The following PCDHA4 variants were observed in gnomAD, a reference collection of about 807,000 sequenced individuals.
The protein encoded by PCDHA4 is protocadherin alpha-4.
In PCDHA4, 49 loss-of-function variants were observed where a neutral mutation model predicts 61.4. The observed-to-expected ratio is 0.80, with a 90% CI of 0.63 to 1.01. PCDHA4 has a LOEUF of 1.01. Ranked by LOEUF, PCDHA4 falls within the 50% of genes least tolerant of loss-of-function variation. The pLI is 0.00. For synonymous variants in PCDHA4, 590 were observed against 550.3 expected, an observed-to-expected ratio of 1.07 and a Z score of -1.01; for missense variants, 1,254 against 1,235.8, an observed-to-expected ratio of 1.01 and a Z score of -0.22.
intron 1 of PCDHA4, among the ~76,000 whole-genome samples, chr5:140,906,354 A>C (rs552915845): frequency 3.8e-4 from 58 of 152,336 alleles, no homozygotes; most frequent in South Asian, 1.7e-3. Context: ...GAATGCACCA[A>C]TTCCCAACCC....
rs1013385082 is a variant in PCDHA4 at position 140,821,701 on chromosome 5, T to C, written c.2385+12129T>C. ...AGGCGATAATATAAAAAATATATAG[T>C]TAATTGGGAATTGAATTTACAAAAT... On this transcript the variant is annotated intron_variant, in intron 1 of 3. Coordinates refer to ENST00000530339, the MANE Select transcript of PCDHA4 (RefSeq NM_018907.4). 1.6e-5 allele frequency: 23 copies of C among 1,421,100 alleles called. No homozygotes were observed. The African/African-American group carries it at 3.2e-4, about 20-fold the overall frequency. 88.0% of individuals were successfully genotyped at this position (1,421,100 alleles called of 1,614,324 possible). A position where few individuals can be genotyped will look rare whatever the true frequency, so the allele number is the denominator to read the frequency against.
At chr5:140,896,450 C>T (rs1009231622) in intron 1 of PCDHA4, among the ~76,000 whole-genome samples, 1 of 152,092 alleles carries the variant, frequency 6.6e-6, no homozygotes, top group East Asian at 1.9e-4. Flanking sequence ...GCAACCTCCA[C>T]CTCCTGGGTT....
chr5:140,832,824 CT>C (rs1772174939), intron 1 of PCDHA4, among the ~76,000 whole-genome samples: 1 of 152,060 alleles, frequency 6.6e-6, no homozygotes, highest in Non-Finnish European at 1.5e-5. Flanking sequence ...AAATCTTTGC[CT>C]TTTTCCCTTG....
chr5:140,947,543 G>A (rs1013985097), intron 1 of PCDHA4, among the ~76,000 whole-genome samples: 1 of 151,548 alleles, frequency 6.6e-6, no homozygotes, highest in African/African-American at 2.4e-5. Context: ...TTTCTACAAA[G>A]AATTCCGCTG....
Position 140,808,763 on chromosome 5 carries a change from G to A in PCDHA4, c.1576G>A (p.Glu526Lys), listed in dbSNP as rs1554124770. Reference protein sequence around the residue: ...KVYALQPLDHEELELLQFQVT... With the variant: ...KVYALQPLDHKELELLQFQVT... ...GTACGCGCTGCAGCCGCTGGACCACGAGGAGCTAGAGCTGCTGCAGTTTCA... is the reference window on the plus strand; with the variant it reads ...GTACGCGCTGCAGCCGCTGGACCACAAGGAGCTAGAGCTGCTGCAGTTTCA... The change falls in exon 1 of 4, where the codon GAG becomes AAG. Residue 526 changes from glutamate (E) to lysine (K), a missense_variant. Physicochemically the swap from Glu to Lys is moderately conservative, Grantham distance 56. Transcript: ENST00000530339. 1.9e-6 allele frequency: 3 copies of A among 1,612,286 alleles called. No individual in the cohort carries two copies. The highest frequency in any genetic ancestry group is 2.5e-6 in the Non-Finnish European group (3 of 1,179,796).
chr5:140,833,788 C>T (rs1397261820), intron 1 of PCDHA4, among the ~76,000 whole-genome samples: 1 of 152,046 alleles, frequency 6.6e-6, no homozygotes, highest in Non-Finnish European at 1.5e-5. Context: ...GTTTCTCTTT[C>T]ATCAATCAGT....
intron 1 of PCDHA4, chr5:140,858,332 C>T: frequency 6.3e-7 from 1 of 1,596,258 alleles, no homozygotes; most frequent in East Asian, 2.2e-5. Context: ...TGGGGAGGGC[C>T]TGCCCAAGGC....
chr5:140,823,931 C>T, intron 1 of PCDHA4: 1 of 1,613,968 alleles, frequency 6.2e-7, no homozygotes, highest in South Asian at 1.1e-5. Flanking sequence ...CTGTACACCG[C>T]GCTGCGGTGC....
intron 1 of PCDHA4, chr5:140,849,716 G>A (rs2150446385): frequency 1.3e-6 from 2 of 1,598,596 alleles, no homozygotes; most frequent in Non-Finnish European, 1.7e-6. Flanking sequence ...ACTACTCGTT[G>A]GTGCTGGACA....
At chr5:140,882,832 A>T (rs781961557) in intron 1 of PCDHA4, 1 of 1,614,216 alleles carries the variant, frequency 6.2e-7, no homozygotes, top group Non-Finnish European at 8.5e-7. Flanking sequence ...GTCTTGAGCA[A>T]ATGTCTTCAT....
intron 1 of PCDHA4, chr5:140,821,878 C>T (rs2150111566): frequency 3.1e-6 from 5 of 1,614,108 alleles, no homozygotes; most frequent in Non-Finnish European, 4.2e-6. Context: ...CTACTCGATC[C>T]CGGAGGAAGC....
rs1764434828 is a variant in PCDHA4 at position 140,809,343 on chromosome 5, C to A, written c.2156C>A (p.Thr719Asn). 1.9e-6 allele frequency: 3 copies of A among 1,614,074 alleles called. No individual in the cohort carries two copies. The highest frequency in any genetic ancestry group is 3.3e-4 in the Middle Eastern group (2 of 6,052). ...SLLVLTLLLY[T>N]ALRCSALPTE... ...TTGGTGCTCACGCTGCTGCTGTACA[C>A]CGCGCTGCGGTGCTCTGCGCTGCCC... The change falls in exon 1 of 4, where the codon ACC (threonine) becomes AAC (asparagine). Residue 719 changes from threonine to asparagine, a missense_variant. By Grantham distance (65) the Thr-to-Asn change is moderately conservative (BLOSUM62 0). Coordinates refer to ENST00000530339, the MANE Select transcript of PCDHA4 (RefSeq NM_018907.4).
intron 1 of PCDHA4, chr5:140,829,623 A>T: frequency 6.2e-7 from 1 of 1,612,184 alleles, no homozygotes; most frequent in Non-Finnish European, 8.5e-7. Flanking sequence ...ATTTCGGTGC[A>T]CGCGGAGAGC....
intron 1 of PCDHA4, chr5:140,875,473 A>T: frequency 1.2e-6 from 2 of 1,606,460 alleles, no homozygotes; most frequent in Non-Finnish European, 1.7e-6. Flanking sequence ...ATTTTCTGCA[A>T]TGGTGATTAT....
At chr5:140,912,523 A>G (rs550105639) in intron 1 of PCDHA4, among the ~76,000 whole-genome samples, 1 of 152,248 alleles carries the variant, frequency 6.6e-6, no homozygotes, top group East Asian at 1.9e-4. Context: ...TAGGGTTTTC[A>G]GAGTACATGA....
intron 1 of PCDHA4, among the ~76,000 whole-genome samples, chr5:140,872,204 C>T (rs1475899671): frequency 6.6e-6 from 1 of 151,738 alleles, no homozygotes. Flanking sequence ...ATCATAAATT[C>T]ATTATATATG....
chr5:140,901,857 G>A (rs782415424), intron 1 of PCDHA4, among the ~76,000 whole-genome samples: 4 of 151,902 alleles, frequency 2.6e-5, no homozygotes, highest in African/African-American at 4.8e-5. Flanking sequence ...CCATTTTTTT[G>A]TGTCCTCTTC....
chr5:140,884,634 G>T (rs1263952131), intron 1 of PCDHA4: 2 of 1,612,298 alleles, frequency 1.2e-6, no homozygotes, highest in Middle Eastern at 1.6e-4. Context: ...ACAGGCCAGA[G>T]GGAGGAGGAC....
At chr5:140,850,016 C>T (rs2150463409) in intron 1 of PCDHA4, 1 of 1,596,912 alleles carries the variant, frequency 6.3e-7, no homozygotes, top group Non-Finnish European at 8.6e-7. Context: ...TGTCGAGCTA[C>T]GTGTCAGTGC....
Sources: gnomAD v4.1 joint callset for allele counts (sites outside exome capture counted in the v4.1 genomes callset) on GRCh38, gnomAD v4.1.1 for gene constraint, MANE v1.5 for transcripts, NCBI Gene and HGNC (gene_info 2026-07-23, HGNC 2026-07-21) for gene names.